Variants in VAV3 observed in about 807,000 individuals in gnomAD.
VAV3 encodes vav guanine nucleotide exchange factor 3.
In VAV3, 94 loss-of-function variants were observed where a neutral mutation model predicts 131.2. The observed-to-expected ratio is 0.72, with a 90% CI of 0.61 to 0.85. VAV3 has a LOEUF of 0.85. Among genes scored for constraint, VAV3 ranks in the 40% least tolerant of loss-of-function variants. The pLI, the probability that VAV3 is intolerant of heterozygous loss-of-function variation, is 0.00. For synonymous variants in VAV3, 349 were observed against 342.0 expected, an observed-to-expected ratio of 1.02 and a Z score of -0.22; for missense variants, 939 against 1,002.7, an observed-to-expected ratio of 0.94 and a Z score of 0.86.
intron 2 of VAV3, among the ~76,000 whole-genome samples, chr1:107,809,848 T>C (rs1448466224): frequency 6.6e-6 from 1 of 152,198 alleles, no homozygotes; most frequent in East Asian, 1.9e-4. Flanking sequence ...CAACTTTTTC[T>C]TTTTGTACAT....
At chr1:107,924,639 T>C (rs1479710792) in intron 1 of VAV3, among the ~76,000 whole-genome samples, 1 of 152,208 alleles carries the variant, frequency 6.6e-6, no homozygotes, top group African/African-American at 2.4e-5. Flanking sequence ...ATGCATTGCA[T>C]ACATGACCAA....
chr1:107,894,925 A>C (rs912101633), intron 1 of VAV3, among the ~76,000 whole-genome samples: 14 of 152,310 alleles, frequency 9.2e-5, no homozygotes, highest in African/African-American at 3.4e-4. Context: ...CTATTCTATC[A>C]GGCAGTCATG....
chr1:107,950,763 A>G (rs768954719), intron 1 of VAV3, among the ~76,000 whole-genome samples: 28 of 152,154 alleles, frequency 1.8e-4, no homozygotes, highest in Non-Finnish European at 3.7e-4. Flanking sequence ...ACAGGACTCG[A>G]GAGTACACAG....
At chr1:107,944,516 A>T (rs78399732) in intron 1 of VAV3, among the ~76,000 whole-genome samples, 8,799 of 152,272 alleles carry the variant, frequency 0.058, 355 homozygotes, top group African/African-American at 0.11. Context: ...TCAGTGCCTA[A>T]TGAGGGCTTT....
intron 18 of VAV3, among the ~76,000 whole-genome samples, chr1:107,684,210 A>G (rs538043828): frequency 2.0e-5 from 3 of 152,272 alleles, no homozygotes; most frequent in Non-Finnish European, 4.4e-5. Context: ...ATGAAAATGC[A>G]TGGCTACATA....
At chr1:107,926,413 A>G (rs1257289499) in intron 1 of VAV3, among the ~76,000 whole-genome samples, 1 of 152,228 alleles carries the variant, frequency 6.6e-6, no homozygotes. Context: ...GGCTACACCA[A>G]TTGTCTCCTT....
At chr1:107,898,632 C>T (rs1671718744) in intron 1 of VAV3, among the ~76,000 whole-genome samples, 1 of 152,142 alleles carries the variant, frequency 6.6e-6, no homozygotes, top group Non-Finnish European at 1.5e-5. Flanking sequence ...ATTACTGTTA[C>T]TGTAATATGT....
intron 2 of VAV3, among the ~76,000 whole-genome samples, chr1:107,867,768 T>C (rs1238394937): frequency 6.6e-6 from 1 of 152,072 alleles, no homozygotes; most frequent in African/African-American, 2.4e-5. Flanking sequence ...GCTGGCTAAT[T>C]TGTGGGAAAA....
At chr1:107,696,222 T>C (rs1375969402) in intron 17 of VAV3, among the ~76,000 whole-genome samples, 1 of 152,230 alleles carries the variant, frequency 6.6e-6, no homozygotes, top group Non-Finnish European at 1.5e-5. Flanking sequence ...TTTCAATATA[T>C]GTATACAAAG....
intron 1 of VAV3, among the ~76,000 whole-genome samples, chr1:107,909,208 CTT>C (rs1166337108): frequency 6.6e-6 from 1 of 152,074 alleles, no homozygotes; most frequent in African/African-American, 2.4e-5. Flanking sequence ...TTCTAAGACT[CTT>C]AGCAAAAAGA....
chr1:107,896,053 A>G (rs1178219426), intron 1 of VAV3, among the ~76,000 whole-genome samples: 2 of 152,124 alleles, frequency 1.3e-5, no homozygotes, highest in Non-Finnish European at 2.9e-5. Context: ...AGGTGCTGCC[A>G]CACACTTTCT....
intron 1 of VAV3, among the ~76,000 whole-genome samples, chr1:107,943,954 T>C (rs1384364447): frequency 6.6e-6 from 1 of 152,230 alleles, no homozygotes; most frequent in Admixed American, 6.5e-5. Context: ...ATGGCTCCAC[T>C]TGCCAGGACC....
chr1:107,670,521 G>T (rs1433488488), intron 19 of VAV3, among the ~76,000 whole-genome samples: 3 of 151,820 alleles, frequency 2.0e-5, no homozygotes, highest in Non-Finnish European at 4.4e-5. Flanking sequence ...AAAAAAACTG[G>T]CAAGAGACAT....
chr1:107,808,617 C>G lies in VAV3; in HGVS notation c.322-29125G>C, dbSNP rs79650465. The stretch of plus-strand genomic sequence containing the variant: ...ATGATCAGCTGCCCTCACAAGTCAC[C>G]TTCAATTCCAAAACACTAAAATGTA... On this transcript the variant is annotated intron_variant, in intron 2 of 26. Transcript: ENST00000370056. 3.2e-3 allele frequency among the ~76,000 whole-genome samples: 489 copies of G among 152,170 alleles called. 1 individual carries two copies. The highest frequency in any genetic ancestry group is 0.011 in the African/African-American group (456 of 41,526).
At chr1:107,818,600 C>G (rs1667658506) in intron 2 of VAV3, among the ~76,000 whole-genome samples, 2 of 152,058 alleles carry the variant, frequency 1.3e-5, no homozygotes, top group Admixed American at 1.3e-4. Flanking sequence ...GATTCATCTC[C>G]AAAAGAGATT....
intron 1 of VAV3, among the ~76,000 whole-genome samples, chr1:107,924,899 T>G (rs1414450367): frequency 6.6e-6 from 1 of 152,224 alleles, no homozygotes; most frequent in East Asian, 1.9e-4. Flanking sequence ...TAAAAGCCAC[T>G]CTTAGTTCTA....
chr1:107,829,364 C>T (rs540986496), intron 2 of VAV3, among the ~76,000 whole-genome samples: 1 of 152,312 alleles, frequency 6.6e-6, no homozygotes, highest in South Asian at 2.1e-4. Flanking sequence ...TAGCTGCATT[C>T]TGTCAGCAAG....
chr1:107,860,468 A>G (rs1377539656), intron 2 of VAV3, among the ~76,000 whole-genome samples: 1 of 151,572 alleles, frequency 6.6e-6, no homozygotes, highest in Non-Finnish European at 1.5e-5. Context: ...AAGCTAGTTC[A>G]TGAACTCATT....
intron 2 of VAV3, among the ~76,000 whole-genome samples, chr1:107,841,723 T>C (rs966558244): frequency 1.3e-5 from 2 of 152,196 alleles, no homozygotes; most frequent in Non-Finnish European, 2.9e-5. Context: ...TTCCTCTCTC[T>C]AGGTCTGAGC....
Sources: allele counts gnomAD v4.1 joint callset (sites outside exome capture counted in the v4.1 genomes callset), GRCh38; gene constraint gnomAD v4.1.1; transcripts MANE v1.5; gene names NCBI Gene and HGNC (gene_info 2026-07-23, HGNC 2026-07-21).